Variants in CNTNAP5 observed in about 807,000 individuals in gnomAD.
The protein encoded by CNTNAP5 is contactin associated protein family member 5, also known as contactin-associated protein-like 5.
CNTNAP5 carries 72 observed loss-of-function variants against 150.2 expected under a neutral mutation model. The ratio of observed to expected loss-of-function variants is 0.48; its 90% CI spans 0.40 to 0.58. The LOEUF is 0.58. CNTNAP5 is among the 20% of genes least tolerant of loss of function. The pLI is 0.00. For synonymous variants in CNTNAP5, 672 were observed against 619.8 expected (o/e 1.08, Z -1.25); for missense variants, 1,636 against 1,626.2 (o/e 1.01, Z -0.10).
intron 1 of CNTNAP5, among the ~76,000 whole-genome samples, chr2:124,091,680 G>A (rs1682817093): frequency 1.3e-5 from 2 of 152,092 alleles, no homozygotes; most frequent in South Asian, 4.1e-4. Context: ...GTTTACCTTG[G>A]GAGCTCTAAC....
chr2:124,115,373 G>C (rs1024380896), intron 1 of CNTNAP5, among the ~76,000 whole-genome samples: 2 of 151,968 alleles, frequency 1.3e-5, no homozygotes, highest in African/African-American at 4.8e-5. Context: ...TGAAACTCAG[G>C]GTATTGGAAA....
intron 4 of CNTNAP5, among the ~76,000 whole-genome samples, chr2:124,419,940 CTT>C (rs1558893981): frequency 1.0e-4 from 12 of 119,876 alleles, no homozygotes; most frequent in African/African-American, 3.5e-4. Context: ...TTCTTTCTTT[CTT>C]TCTTTCTTTC....
chr2:124,574,920 C>A (rs533548095), intron 11 of CNTNAP5, among the ~76,000 whole-genome samples: 2 of 152,276 alleles, frequency 1.3e-5, no homozygotes, highest in African/African-American at 4.8e-5. Context: ...GCAATGTGAG[C>A]CTCATTTGTG....
At chr2:124,508,698 A>G (rs1006212942) in intron 8 of CNTNAP5, among the ~76,000 whole-genome samples, 1 of 152,246 alleles carries the variant, frequency 6.6e-6, no homozygotes, top group Non-Finnish European at 1.5e-5. Context: ...TAAAATGTGC[A>G]ACCAGAGTTC....
At chr2:124,839,456 C>T (rs1682898494) in intron 19 of CNTNAP5, among the ~76,000 whole-genome samples, 1 of 151,412 alleles carries the variant, frequency 6.6e-6, no homozygotes, top group African/African-American at 2.4e-5. Context: ...TCCCTTTCCC[C>T]CTCTCTCTTT....
chr2:124,368,417 A>G lies in CNTNAP5; in HGVS notation c.382-49026A>G, dbSNP rs74426923. On this transcript the variant is annotated intron_variant, in intron 3 of 23. Coordinates refer to ENST00000682447, the MANE Select transcript of CNTNAP5 (RefSeq NM_001367498.1). ...GAATAAAAATCAGTACAACTGCTAC[A>G]GAAGCCATTTTGGCAATATCTACCA... 7.1e-3 allele frequency among the ~76,000 whole-genome samples: 1,089 copies of G among 152,318 alleles called. 9 individuals carry two copies. The highest frequency in any genetic ancestry group is 0.025 in the African/African-American group (1,030 of 41,574).
intron 1 of CNTNAP5, among the ~76,000 whole-genome samples, chr2:124,182,686 T>C (rs1460157543): frequency 6.6e-6 from 1 of 152,180 alleles, no homozygotes; most frequent in African/African-American, 2.4e-5. Context: ...CCAATGTTTT[T>C]ACAAGTTCCA....
intron 13 of CNTNAP5, among the ~76,000 whole-genome samples, chr2:124,729,178 T>G (rs1430326420): frequency 6.6e-6 from 1 of 152,056 alleles, no homozygotes; most frequent in Non-Finnish European, 1.5e-5. Flanking sequence ...GACACAAACC[T>G]TATCTCCCAA....
chr2:124,172,629 A>C (rs1684960461), intron 1 of CNTNAP5, among the ~76,000 whole-genome samples: 1 of 151,996 alleles, frequency 6.6e-6, no homozygotes, highest in Non-Finnish European at 1.5e-5. Flanking sequence ...GCTCAAGCTG[A>C]TCTCGAACTT....
At chr2:124,038,214 TG>T (rs1245938062) in intron 1 of CNTNAP5, among the ~76,000 whole-genome samples, 1 of 152,234 alleles carries the variant, frequency 6.6e-6, no homozygotes, top group East Asian at 1.9e-4. Flanking sequence ...CAAGGACCAG[TG>T]CTTGTACATA....
chr2:124,477,855 C>G (rs1401076441), intron 7 of CNTNAP5, among the ~76,000 whole-genome samples: 1 of 151,870 alleles, frequency 6.6e-6, no homozygotes, highest in African/African-American at 2.4e-5. Flanking sequence ...TTTAGATTAG[C>G]CTAATGTCAG....
At chr2:124,490,651 ATG>A (rs1280778928) in intron 7 of CNTNAP5, among the ~76,000 whole-genome samples, 1 of 152,104 alleles carries the variant, frequency 6.6e-6, no homozygotes, top group Non-Finnish European at 1.5e-5. Flanking sequence ...GCCACTAGTC[ATG>A]TGTAACTATT....
At chr2:124,747,162 T>A in intron 13 of CNTNAP5, 67 bp from the exon 14 acceptor site, 1 of 1,500,772 alleles carries the variant, frequency 6.7e-7, no homozygotes, top group Non-Finnish European at 9.1e-7. Flanking sequence ...CAGCTCAGTT[T>A]CTGTGCCATC....
At chr2:124,788,915 G>C (rs1434207581) in intron 17 of CNTNAP5, among the ~76,000 whole-genome samples, 1 of 152,142 alleles carries the variant, frequency 6.6e-6, no homozygotes, top group African/African-American at 2.4e-5. Flanking sequence ...TTACAGGCAT[G>C]TACCACCATG....
intron 6 of CNTNAP5, among the ~76,000 whole-genome samples, chr2:124,453,719 G>T (rs921774035): frequency 2.6e-5 from 4 of 152,120 alleles, no homozygotes; most frequent in African/African-American, 7.2e-5. Context: ...AGGGATTGGG[G>T]CCTTATCTTC....
intron 11 of CNTNAP5, among the ~76,000 whole-genome samples, chr2:124,599,070 T>G (rs940243497): frequency 1.7e-4 from 26 of 152,212 alleles, no homozygotes; most frequent in African/African-American, 6.0e-4. Context: ...ATGAACCCGG[T>G]ACCTCAGATG....
intron 11 of CNTNAP5, among the ~76,000 whole-genome samples, chr2:124,592,375 ATG>A (rs10675321): frequency 0.027 from 4,114 of 149,732 alleles, 60 homozygotes; most frequent in African/African-American, 0.04. Flanking sequence ...GTATATATAT[ATG>A]TGTGTGTGTG....
At chr2:124,255,211 G>A (rs1687277185) in intron 3 of CNTNAP5, among the ~76,000 whole-genome samples, 1 of 152,016 alleles carries the variant, frequency 6.6e-6, no homozygotes, top group Non-Finnish European at 1.5e-5. Context: ...AACATAATGA[G>A]ACTCCATCTC....
At chr2:124,817,761 C>T (rs1682396247) in intron 19 of CNTNAP5, among the ~76,000 whole-genome samples, 1 of 152,180 alleles carries the variant, frequency 6.6e-6, no homozygotes, top group African/African-American at 2.4e-5. Flanking sequence ...CAGCTCAAAA[C>T]ATATCTATAC....
Sources: allele counts gnomAD v4.1 joint callset (sites outside exome capture counted in the v4.1 genomes callset), GRCh38; gene constraint gnomAD v4.1.1; transcripts MANE v1.5; gene names NCBI Gene and HGNC (gene_info 2026-07-23, HGNC 2026-07-21).